Variants in SHROOM3 observed in about 807,000 individuals in gnomAD.
SHROOM3 encodes shroom family member 3.
In SHROOM3, 47 loss-of-function variants were observed where a neutral mutation model predicts 138.6. That is an observed-to-expected ratio of 0.34 (90% CI 0.27 to 0.43). SHROOM3 has a LOEUF of 0.43. Ranked by LOEUF, SHROOM3 falls within the 20% of genes least tolerant of loss-of-function variation. The pLI, the probability that SHROOM3 is intolerant of heterozygous loss-of-function variation, is 1.00. For synonymous variants in SHROOM3, 1,062 were observed against 1,063.3 expected (o/e 1.00, Z 0.02); for missense variants, 2,491 against 2,596.5 (o/e 0.96, Z 0.88).
intron 1 of SHROOM3, among the ~76,000 whole-genome samples, chr4:76,528,343 CTT>C (rs75403198): frequency 1.8e-4 from 7 of 38,470 alleles, no homozygotes; most frequent in Non-Finnish European, 2.0e-4. Context: ...TCTTCTTCTT[CTT>C]TTTTTTTTTT....
intron 1 of SHROOM3, among the ~76,000 whole-genome samples, chr4:76,474,678 GC>G: frequency 6.6e-6 from 1 of 152,292 alleles, no homozygotes; most frequent in Admixed American, 6.5e-5. Flanking sequence ...ACTTTGGGAG[GC>G]TGAGGCAGGT....
At chr4:76,689,591 C>T (rs573843051) in intron 2 of SHROOM3, 3 of 985,078 alleles carry the variant, frequency 3.0e-6, no homozygotes, top group South Asian at 4.7e-5. Flanking sequence ...GCGTTGGGCC[C>T]CGCCGGCGAT....
chr4:76,662,127 T>C (rs1718519201), intron 2 of SHROOM3, among the ~76,000 whole-genome samples: 1 of 152,226 alleles, frequency 6.6e-6, no homozygotes, highest in South Asian at 2.1e-4. Flanking sequence ...TTGGGTTCTC[T>C]ACCTAAGACC....
chr4:76,518,783 A>G (rs1732501537), intron 1 of SHROOM3, among the ~76,000 whole-genome samples: 1 of 152,326 alleles, frequency 6.6e-6, no homozygotes, highest in East Asian at 1.9e-4. Context: ...AGGTCAGGGA[A>G]GCAAACTCTT....
chr4:76,557,111 A>G (rs1347949198), intron 2 of SHROOM3, among the ~76,000 whole-genome samples: 2 of 152,072 alleles, frequency 1.3e-5, no homozygotes, highest in Non-Finnish European at 2.9e-5. Flanking sequence ...CAATATCCTC[A>G]TCTTTAAATG....
intron 2 of SHROOM3, among the ~76,000 whole-genome samples, chr4:76,598,007 A>G (rs2110053074): frequency 6.6e-6 from 1 of 150,402 alleles, no homozygotes; most frequent in Non-Finnish European, 1.5e-5. Flanking sequence ...TGGTGAAAGT[A>G]GATGAGAAAA....
At chr4:76,734,139 G>A (rs344138) in intron 4 of SHROOM3, among the ~76,000 whole-genome samples, 45,536 of 152,040 alleles carry the variant, frequency 0.3, 7,928 homozygotes, top group Middle Eastern at 0.49. Context: ...TAGGTATTGG[G>A]AGTACAGTGG....
At chr4:76,676,889 G>A (rs1475660042) in intron 2 of SHROOM3, among the ~76,000 whole-genome samples, 1 of 145,700 alleles carries the variant, frequency 6.9e-6, no homozygotes, top group Non-Finnish European at 1.5e-5. Context: ...CTTGCAGTGA[G>A]CAGAGATGGC....
chr4:76,496,078 G>T (rs546926822), intron 1 of SHROOM3, among the ~76,000 whole-genome samples: 8 of 152,342 alleles, frequency 5.3e-5, no homozygotes, highest in African/African-American at 1.9e-4. Flanking sequence ...AGATTAGGAG[G>T]CTAGGCTAGT....
intron 2 of SHROOM3, among the ~76,000 whole-genome samples, chr4:76,633,391 G>T (rs140573560): frequency 6.6e-6 from 1 of 150,738 alleles, no homozygotes; most frequent in Non-Finnish European, 1.5e-5. Flanking sequence ...TTAACTGGCC[G>T]GGCGTGGTGG....
intron 3 of SHROOM3, among the ~76,000 whole-genome samples, chr4:76,727,887 C>CAAAAAAAAAAAAATAAAAA (rs71212446): frequency 1.0e-5 from 1 of 96,254 alleles, no homozygotes; most frequent in Non-Finnish European, 2.2e-5. Flanking sequence ...GACTCCATCT[C>CAAAAAAAAAAAAATAAAAA]AAAAAAAAAG....
intron 2 of SHROOM3, among the ~76,000 whole-genome samples, chr4:76,607,357 T>C (rs540936665): frequency 4.6e-5 from 7 of 152,330 alleles, no homozygotes; most frequent in Middle Eastern, 3.4e-3. Flanking sequence ...TGCTCTCTAA[T>C]GAGTACAGAA....
chr4:76,702,222 A>G (rs768786103), intron 2 of SHROOM3, among the ~76,000 whole-genome samples: 4 of 152,234 alleles, frequency 2.6e-5, no homozygotes, highest in Non-Finnish European at 4.4e-5. Context: ...TAGGTAGTGG[A>G]GAGGGTGAGG....
intron 2 of SHROOM3, among the ~76,000 whole-genome samples, chr4:76,578,922 C>T (rs1450687775): frequency 6.6e-6 from 1 of 152,294 alleles, no homozygotes. Flanking sequence ...TCTGGCTGGG[C>T]ATGGCGGCTC....
In SHROOM3 at chr4:76,435,965, G is replaced by C. The variant is rs1198005324; in HGVS notation, c.-88G>C. 1 of 1,445,466 alleles carries C rather than the reference G, an allele frequency of 6.9e-7. No individual in the cohort carries two copies. The highest frequency in any genetic ancestry group is 1.4e-5 in the African/African-American group (1 of 71,228). 89.5% of individuals were successfully genotyped at this position (1,445,466 alleles called of 1,614,324 possible). On this transcript the variant is annotated 5_prime_UTR_variant, in exon 1 of 11. Coordinates refer to ENST00000296043, the MANE Select transcript of SHROOM3 (RefSeq NM_020859.4). ...TCTTTTGGCCATTGTGTGTCCTGAAGGATGGGACAACTTGTGCTGTAGAAG... is the reference window on the plus strand; with the variant it reads ...TCTTTTGGCCATTGTGTGTCCTGAACGATGGGACAACTTGTGCTGTAGAAG...
chr4:76,698,938 GT>G (rs1046507494), intron 2 of SHROOM3, among the ~76,000 whole-genome samples: 3 of 152,144 alleles, frequency 2.0e-5, no homozygotes, highest in Non-Finnish European at 4.4e-5. Context: ...CTCCCCAAAT[GT>G]TTTGGGCAAT....
intron 2 of SHROOM3, chr4:76,573,468 T>C (rs12108253): frequency 0.16 from 24,357 of 153,180 alleles, 2,100 homozygotes; most frequent in East Asian, 0.29. Context: ...CCTGGTCCAA[T>C]CAATTTGAAT....
chr4:76,441,549 C>G (rs1422236315), intron 1 of SHROOM3, among the ~76,000 whole-genome samples: 1 of 152,138 alleles, frequency 6.6e-6, no homozygotes, highest in Non-Finnish European at 1.5e-5. Context: ...GACTTTTTCC[C>G]TTTCTTGCTT....
chr4:76,677,685 C>T (rs1719079336), intron 2 of SHROOM3, among the ~76,000 whole-genome samples: 1 of 152,156 alleles, frequency 6.6e-6, no homozygotes, highest in Non-Finnish European at 1.5e-5. Flanking sequence ...TATCTTCTTG[C>T]CTTTGGCCAA....
Sources: allele counts gnomAD v4.1 joint callset (sites outside exome capture counted in the v4.1 genomes callset), GRCh38; gene constraint gnomAD v4.1.1; transcripts MANE v1.5; gene names NCBI Gene and HGNC (gene_info 2026-07-23, HGNC 2026-07-21).